The following HSPG2 variants were observed in gnomAD, a reference collection of about 807,000 sequenced individuals.
HSPG2 encodes the protein heparan sulfate proteoglycan 2, also known as basement membrane-specific heparan sulfate proteoglycan core protein.
A neutral mutation model predicts 526.6 loss-of-function variants in HSPG2; 278 were observed. That is an observed-to-expected ratio of 0.53 (90% confidence interval 0.48 to 0.58). HSPG2 has a LOEUF of 0.58. Among genes scored for constraint, HSPG2 ranks in the 20% least tolerant of loss-of-function variants. The pLI is 0.00. For synonymous variants in HSPG2, 2,465 were observed against 2,555.4 expected (o/e 0.96, Z 1.07); for missense variants, 5,354 against 6,099.5 (o/e 0.88, Z 4.07).
chr1:21,875,767 T>C lies in HSPG2; in HGVS notation c.3184-20A>G. 1 of 1,605,774 alleles carries C rather than the reference T, an allele frequency of 6.2e-7. No homozygotes were observed. The highest frequency in any genetic ancestry group is 1.7e-4 in the Middle Eastern group (1 of 6,058). ...TGCTTGCTGCCAAGGAGAGGACACA[T>C]GTGCTCAGCCCCTGACGTCCTGGAG... On this transcript the variant is annotated intron_variant, in intron 24 of 96. Transcript: ENST00000374695.
rs1641504027 is a variant in HSPG2 at position 21,881,462 on chromosome 1, G to A, written c.1695C>T (p.Pro565=). The change falls in exon 14 of 97, where the codon CCC becomes CCT. Residue 565 remains proline (P), a synonymous_variant. Coordinates refer to ENST00000374695, the MANE Select transcript of HSPG2 (RefSeq NM_005529.7). ...VTMPAQPGTP[P]LSSTQLQIDP... is the part of the protein sequence containing the mutation. ...CGATCTGCAGCTGCGTGGAGGAGAG[G>A]GGTGGCGTGCCGGGCTGCGCAGGCA... 1.9e-6 allele frequency: 3 copies of A among 1,613,124 alleles called. No homozygotes were observed. Among genetic ancestry groups the A allele is most frequent in the Non-Finnish European group, 1.7e-6 (2 of 1,180,032 alleles).
rs368497178 is a variant in HSPG2, at chr1:21,831,051, C to T, written c.11602G>A (p.Val3868Met). ...QCHDSESSSY[V>M]CVCPAGFTGS... ...GTGAAGCCAGCTGGGCAGACGCACA[C>T]GTAGCTGCTGCTCTCAGAGTCATGG... The change falls in exon 85 of 97, where the codon GTG becomes ATG. Residue 3868 changes from valine to methionine, a missense_variant. Val to Met is a conservative substitution (Grantham distance 21). Transcript: ENST00000374695. The T allele has an allele frequency of 5.3e-5, 84 of 1,592,954 alleles. No individual in the cohort carries two copies. The East Asian group carries it at 1.1e-3, about 21-fold the overall frequency.
rs1465441812 is a variant in HSPG2 at position 21,876,380 on chromosome 1, C to A, written c.2852G>T (p.Gly951Val). 1 of 1,611,740 alleles carries A rather than the reference C, an allele frequency of 6.2e-7. No homozygotes were observed. Among genetic ancestry groups the A allele is most frequent in the Non-Finnish European group, 8.5e-7 (1 of 1,178,980 alleles). ...TGCGGCGTTGGTCAGGCTGAAGTGA[C>A]CAGGCTCCTCAGAGGCCCCATGCAA... The part of the protein sequence containing the change: ...AQLHGASEEP[G>V]HFSLTNAAST... Residue 951 changes from glycine (G) to valine (V), a missense_variant, in exon 23 of 97, where the codon GGT becomes GTT. Transcript: ENST00000374695.
chr1:21,830,316 C>G (rs1453619948), intron 85 of HSPG2: 1 of 579,318 alleles, frequency 1.7e-6, no homozygotes, highest in Non-Finnish European at 3.1e-6. Context: ...TGTGTGTCTG[C>G]AGGTTCTTCA....
chr1:21,867,242 C>T (rs1162418754), intron 33 of HSPG2, among the ~76,000 whole-genome samples: 4 of 151,706 alleles, frequency 2.6e-5, no homozygotes, highest in Non-Finnish European at 5.9e-5. Flanking sequence ...AGGAATGAGC[C>T]ACCATGCCCG....
rs748189648 is a variant in HSPG2 at position 21,887,265 on chromosome 1, C to A, written c.1028G>T (p.Arg343Leu). Residue 343 changes from arginine (R) to leucine (L), a missense_variant, in exon 9 of 97, where the codon CGC becomes CTC. Coordinates refer to ENST00000374695, the MANE Select transcript of HSPG2 (RefSeq NM_005529.7). This position sits in a 1 kb window ranked among gnomAD's most constrained non-coding sequence, Gnocchi z 5.0. ...CTCACAGTCAAAGTCACCATCGCAG[C>A]GCCACAGCTTGAGGGCACAATGTCC... ...GNGHCALKLW[R>L]CDGDFDCEDR... 29 of 1,613,744 alleles carry A rather than the reference C, an allele frequency of 1.8e-5. No homozygotes were observed. The East Asian group carries it at 6.0e-4, about 33-fold the overall frequency.
At chr1:21,849,627 A>G (rs1374975977) in intron 57 of HSPG2, among the ~76,000 whole-genome samples, 1 of 152,254 alleles carries the variant, frequency 6.6e-6, no homozygotes, top group African/African-American at 2.4e-5. Flanking sequence ...AAAGTCACAC[A>G]GCATGCAAGT....
At position 21,876,010 on chromosome 1, in the gene HSPG2, T is replaced by C. The variant is rs762570696; in HGVS notation, c.3036A>G (p.Thr1012=). ...AGCCCGGCTGGGACCTCTGGGTCACTGTGAAGCGCAGCTCTCCTCCATAGG... is the reference window on the plus strand; with the variant it reads ...AGCCCGGCTGGGACCTCTGGGTCACCGTGAAGCGCAGCTCTCCTCCATAGG... The part of the protein sequence containing the change: ...VTSYGGELRF[T]VTQRSQPGST... The change falls in exon 24 of 97, where the codon ACA becomes ACG. Residue 1012 remains threonine, a synonymous_variant. Transcript: ENST00000374695. 6.2e-7 allele frequency: 1 copy of C among 1,614,098 alleles called. No individual in the cohort carries two copies. Among genetic ancestry groups the C allele is most frequent in the Admixed American group, 1.7e-5 (1 of 60,022 alleles).
In HSPG2 at chr1:21,934,133, C is replaced by T. The variant is rs1467301338; in HGVS notation, c.63+3022G>A. ...CCTCACCTCCCAACAGCTGAAATTA[C>T]ACCCACACTTAATCACAGATCAGCT... On this transcript the variant is annotated intron_variant, in intron 1 of 96. Coordinates refer to ENST00000374695, the MANE Select transcript of HSPG2 (RefSeq NM_005529.7). Among the ~76,000 whole-genome samples, 4 of 152,350 alleles carry T rather than the reference C, an allele frequency of 2.6e-5. No homozygotes were observed. In the East Asian group the frequency reaches 7.7e-4, roughly 29 times the overall value.
intron 83 of HSPG2, 33 bp downstream of exon 83, chr1:21,831,430 C>T (rs2098003525): frequency 6.2e-7 from 1 of 1,609,846 alleles, no homozygotes; most frequent in Admixed American, 1.7e-5. Context: ...CAGGTAAGGC[C>T]CAGCCTCAGC....
At chr1:21,878,544 C>T (rs750453772) in intron 19 of HSPG2, 33 bp downstream of exon 19, 2 of 1,613,902 alleles carry the variant, frequency 1.2e-6, no homozygotes, top group Non-Finnish European at 1.7e-6. Flanking sequence ...ACCCAGGAGC[C>T]CCCTTCCTGC....
Position 21,844,238 on chromosome 1 carries a change from C to T in HSPG2, c.8526G>A (p.Gln2842=). 6.2e-7 allele frequency: 1 copy of T among 1,613,788 alleles called. No homozygotes were observed. The highest frequency in any genetic ancestry group is 1.7e-5 in the Admixed American group (1 of 60,028). ...GCACCACGCACTTCAGATCCAGGGT[C>T]TGCCCTTCTGCCACTCGGGAGGAGG... is the stretch of plus-strand genomic sequence containing the variant. The part of the protein sequence containing the change: ...EPSSSRVAEG[Q]TLDLKCVVPG... Residue 2842 remains glutamine, a synonymous_variant, in exon 65 of 97, where the codon CAG becomes CAA. Coordinates refer to ENST00000374695, the MANE Select transcript of HSPG2 (RefSeq NM_005529.7).
At chr1:21,874,379 G>A (rs1277831986) in intron 28 of HSPG2, 27 bp downstream of exon 28, 1 of 1,610,548 alleles carries the variant, frequency 6.2e-7, no homozygotes. Flanking sequence ...TCAGGGAAGG[G>A]CAGGTGCAGG....
In HSPG2 at chr1:21,898,941, C is replaced by T. The variant is rs1014780591; in HGVS notation, c.64-2631G>A. Among the ~76,000 whole-genome samples, 5 of 152,202 alleles carry T rather than the reference C, an allele frequency of 3.3e-5. No individual in the cohort carries two copies. The highest frequency in any genetic ancestry group is 1.9e-4 in the East Asian group (1 of 5,196). ...GAGCAGGGAGCTGGTCAGCGGGTGG[C>T]GGCGGGGGTGGCCTTGGGACCAGAC... On this transcript the variant is annotated intron_variant, in intron 1 of 96. Transcript: ENST00000374695. The surrounding 1 kb of genome is among the most constrained non-coding windows in gnomAD (Gnocchi z 4.0).
chr1:21,872,185 C>T lies in HSPG2; in HGVS notation c.4221+1G>A. 1 of 1,551,706 alleles carries T rather than the reference C, an allele frequency of 6.4e-7. No individual in the cohort carries two copies. ...GACCCTGGTGCTTGGCTGGGGCCCA[C>T]CTTGTCTCCCTGGTATGTCTCCGGC... On this transcript the variant is annotated splice_donor_variant, in intron 33 of 96. Coordinates refer to ENST00000374695, the MANE Select transcript of HSPG2 (RefSeq NM_005529.7). LOFTEE classifies it high-confidence loss of function. This position sits in a 1 kb window ranked among gnomAD's most constrained non-coding sequence, Gnocchi z 5.5.
chr1:21,850,556 C>T (rs895755322), intron 55 of HSPG2, 58 bp from the exon 56 acceptor site: 1 of 1,501,570 alleles, frequency 6.7e-7, no homozygotes, highest in Non-Finnish European at 8.9e-7. Context: ...TTCCTATAAC[C>T]TGCAACCCTG....
At position 21,854,713 on chromosome 1, in the gene HSPG2, C is replaced by T. The variant is rs767456292; in HGVS notation, c.6186G>A (p.Val2062=). ...PVKIESSSPS[V]TEGQTLDLNC... is the part of the protein sequence containing the mutation. ...TGAGGTCGAGTGTTTGCCCTTCTGT[C>T]ACAGAAGGCGATGAGGACTCAATCT... is the stretch of plus-strand genomic sequence containing the variant. The change falls in exon 49 of 97, where the codon GTG becomes GTA. Residue 2062 remains valine, a synonymous_variant. Transcript: ENST00000374695. 1.9e-6 allele frequency: 3 copies of T among 1,613,208 alleles called. No individual in the cohort carries two copies. The highest frequency in any genetic ancestry group is 1.7e-5 in the Admixed American group (1 of 59,894).
rs1410320033 is a variant in HSPG2, at chr1:21,830,008, A to C, written c.11755T>G (p.Leu3919Val). ...CTCCCCTCACCTTCCTCACACCGCA[A>C]CCCCGAGCGGCCCAGGTGGCAGCGG... ...TCRCHLGRSG[L>V]RCEEGVTVTT... The change falls in exon 86 of 97, where the codon TTG becomes GTG. Residue 3919 changes from leucine to valine, a missense_variant. Physicochemically the swap from Leu to Val is conservative, Grantham distance 32 (BLOSUM62 1). Transcript: ENST00000374695. 6.2e-7 allele frequency: 1 copy of C among 1,609,038 alleles called. No individual in the cohort carries two copies. The highest frequency in any genetic ancestry group is 1.3e-5 in the African/African-American group (1 of 74,844).
rs1241194679 is a variant in HSPG2, at chr1:21,848,545, G to A, written c.7737+98C>T. ...CAAGGATACTCAATGTTTGTTGAAT[G>A]ACTGAATGAGCACAGAGTGAGGTGC... On this transcript the variant is annotated intron_variant, in intron 59 of 96. Transcript: ENST00000374695. This position sits in a 1 kb window ranked among gnomAD's most constrained non-coding sequence, Gnocchi z 4.9. 1 of 1,371,720 alleles carries A rather than the reference G, an allele frequency of 7.3e-7. No homozygotes were observed. The highest frequency in any genetic ancestry group is 1.0e-6 in the Non-Finnish European group (1 of 964,622). The allele number at this position is 1,371,720 out of a possible 1,614,324, so 85.0% of individuals were successfully genotyped here. A position where few individuals can be genotyped will look rare whatever the true frequency, so the allele number is the denominator to read the frequency against.
Sources: gnomAD v4.1 joint callset for allele counts (sites outside exome capture counted in the v4.1 genomes callset) on GRCh38, gnomAD v4.1.1 for gene constraint, Gnocchi (gnomAD v3.1) non-coding constraint, MANE v1.5 for transcripts, NCBI Gene and HGNC (gene_info 2026-07-23, HGNC 2026-07-21) for gene names.